KMT2C: variants seen among roughly 807,000 people sequenced by gnomAD.
The protein encoded by KMT2C is lysine methyltransferase 2C.
A neutral mutation model predicts 507.9 loss-of-function variants in KMT2C; 88 were observed. The ratio of observed to expected loss-of-function variants is 0.17; its 90% CI spans 0.15 to 0.21. The LOEUF is 0.21. KMT2C is among the 10% of genes least tolerant of loss of function. The probability of loss-of-function intolerance (pLI) is 1.00; values close to 1 mark genes in which losing one functional copy is unlikely to be tolerated. For synonymous variants in KMT2C, 2,049 were observed against 2,080.8 expected (o/e 0.98, Z 0.42); for missense variants, 4,954 against 5,957.8 (o/e 0.83, Z 5.55).
rs938826373 is a variant in KMT2C at position 152,308,673 on chromosome 7, C to CAAAAAA, written c.849+1287_849+1292dup. Among the ~76,000 whole-genome samples the CAAAAAA allele has an allele frequency of 1.6e-3, 40 of 24,566 alleles. 1 individual carries two copies. Among genetic ancestry groups the CAAAAAA allele is most frequent in the African/African-American group, 5.8e-3 (39 of 6,730 alleles). 16.1% of individuals were successfully genotyped at this position (24,566 alleles called of 152,430 possible). ...CTGCACAACACAGCAAAACTCCTCT[C>CAAAAAA]AAAAAAAAAAAAAAAAAAAAAAAAA... On this transcript the variant is annotated intron_variant, in intron 6 of 58. Transcript: ENST00000262189.
At chr7:152,220,899 A>T (rs2094744493) in intron 22 of KMT2C, among the ~76,000 whole-genome samples, 164 bp from the exon 23 acceptor site, 1 of 152,216 alleles carries the variant, frequency 6.6e-6, no homozygotes, top group South Asian at 2.1e-4. Flanking sequence ...CCCAATAAAA[A>T]CTATGAACAA....
chr7:152,388,274 T>C (rs1217921862), intron 1 of KMT2C, among the ~76,000 whole-genome samples: 1 of 151,774 alleles, frequency 6.6e-6, no homozygotes, highest in Non-Finnish European at 1.5e-5. Flanking sequence ...ATAAGTATGC[T>C]CTGGCCAGGC....
intron 1 of KMT2C, among the ~76,000 whole-genome samples, chr7:152,435,097 T>C (rs1008679221): frequency 1.3e-5 from 2 of 151,934 alleles, no homozygotes; most frequent in Admixed American, 1.3e-4. Context: ...CAGGAAAAGT[T>C]CCAGGAGCAA....
rs2092952679 is a variant in KMT2C at position 152,171,275 on chromosome 7, CCTGTGGTCCAAGGTT to C, written c.9427_9441del (p.Asn3143_Gln3147del). ...ACAGGCAGTGTTACCTGAGGAATGG[CCTGTGGTCCAAGGTT>C]CTGTCCTTCACTGTTCTGTGTTCCA... On this transcript the variant is annotated inframe_deletion, in exon 40 of 59. Transcript: ENST00000262189. 3 of 1,606,872 alleles carry C rather than the reference CCTGTGGTCCAAGGTT, an allele frequency of 1.9e-6. No individual in the cohort carries two copies. The highest frequency in any genetic ancestry group is 1.7e-6 in the Non-Finnish European group (2 of 1,176,520).
At chr7:152,341,300 G>A (rs916052200) in intron 2 of KMT2C, among the ~76,000 whole-genome samples, 8 of 152,124 alleles carry the variant, frequency 5.3e-5, no homozygotes, top group Non-Finnish European at 1.0e-4. Flanking sequence ...AAGCCACTGT[G>A]TTCTGAAATG....
intron 2 of KMT2C, among the ~76,000 whole-genome samples, chr7:152,340,658 T>G (rs2096982994): frequency 6.6e-6 from 1 of 152,186 alleles, no homozygotes; most frequent in African/African-American, 2.4e-5. Context: ...CAACTAAAAG[T>G]AAATACACAA....
At chr7:152,376,128 T>G (rs1306304134) in intron 1 of KMT2C, among the ~76,000 whole-genome samples, 2 of 152,204 alleles carry the variant, frequency 1.3e-5, no homozygotes, top group African/African-American at 4.8e-5. Context: ...GTAATTGTTT[T>G]GGAACACCAT....
intron 6 of KMT2C, among the ~76,000 whole-genome samples, chr7:152,287,855 C>T (rs2096331291): frequency 6.6e-6 from 1 of 151,522 alleles, no homozygotes; most frequent in South Asian, 2.1e-4. Context: ...GAAACCCCAT[C>T]TCTACTAAAA....
At chr7:152,195,783 A>C in intron 28 of KMT2C, 124 bp downstream of exon 28, 1 of 566,726 alleles carries the variant, frequency 1.8e-6, no homozygotes, top group Non-Finnish European at 2.8e-6. Context: ...TGAGTCCTTT[A>C]ACAAAGCCAA....
intron 45 of KMT2C, 48 bp downstream of exon 45, chr7:152,156,157 C>A: frequency 6.2e-7 from 1 of 1,605,922 alleles, no homozygotes; most frequent in East Asian, 2.2e-5. Flanking sequence ...ACACAACTGG[C>A]AGAGGCACAT....
At chr7:152,312,988 G>GA (rs1385894752) in intron 4 of KMT2C, among the ~76,000 whole-genome samples, 4 of 151,684 alleles carry the variant, frequency 2.6e-5, no homozygotes, top group Non-Finnish European at 5.9e-5. Context: ...ATCATTGAAA[G>GA]AAAAAAAGTA....
intron 1 of KMT2C, among the ~76,000 whole-genome samples, chr7:152,422,045 C>T (rs1436308917): frequency 6.6e-6 from 1 of 152,164 alleles, no homozygotes; most frequent in Non-Finnish European, 1.5e-5. Flanking sequence ...GAAGTAACCA[C>T]ATTTTTAAAA....
intron 1 of KMT2C, among the ~76,000 whole-genome samples, chr7:152,370,804 T>C (rs369675252): frequency 1.3e-5 from 2 of 152,236 alleles, no homozygotes; most frequent in Non-Finnish European, 2.9e-5. Flanking sequence ...TACTTGGTCT[T>C]TGTAATAATT....
rs745712814 is a variant in KMT2C, at chr7:152,422,641, TA to T, written c.161+12984del. On this transcript the variant is annotated intron_variant, in intron 1 of 58. Coordinates refer to ENST00000262189, the MANE Select transcript of KMT2C (RefSeq NM_170606.3). ...ACCAATTGCTCAAAGTGGTAAAGACTATTTACTAGCTATTTCTGTAATATTT... is the reference window on the plus strand; with the variant it reads ...ACCAATTGCTCAAAGTGGTAAAGACTTTTACTAGCTATTTCTGTAATATTT... 8.5e-5 allele frequency among the ~76,000 whole-genome samples: 13 copies of T among 152,244 alleles called. No individual in the cohort carries two copies. In the East Asian group the frequency reaches 9.7e-4, roughly 11 times the overall value.
chr7:152,293,975 C>A (rs1002601137), intron 6 of KMT2C, among the ~76,000 whole-genome samples: 1 of 151,536 alleles, frequency 6.6e-6, no homozygotes, highest in African/African-American at 2.4e-5. Context: ...CCTCCCACCT[C>A]AACCTCTTGA....
At chr7:152,218,600 T>C (rs1249122133) in intron 23 of KMT2C, among the ~76,000 whole-genome samples, 1 of 152,214 alleles carries the variant, frequency 6.6e-6, no homozygotes, top group African/African-American at 2.4e-5. Flanking sequence ...TCTTAAAATA[T>C]AAATAAGATC....
At chr7:152,303,550 A>G (rs2129194886) in intron 6 of KMT2C, among the ~76,000 whole-genome samples, 1 of 152,346 alleles carries the variant, frequency 6.6e-6, no homozygotes, top group South Asian at 2.1e-4. Context: ...AGAAAATATG[A>G]TAAAGCAAAA....
intron 42 of KMT2C, among the ~76,000 whole-genome samples, chr7:152,165,617 G>T (rs548756028): frequency 6.6e-6 from 1 of 152,188 alleles, no homozygotes; most frequent in Non-Finnish European, 1.5e-5. Context: ...GATAAGACAC[G>T]TGAGTCCAAA....
chr7:152,338,252 C>T (rs2096956966), intron 2 of KMT2C, among the ~76,000 whole-genome samples: 1 of 152,140 alleles, frequency 6.6e-6, no homozygotes, highest in East Asian at 1.9e-4. Context: ...TTTATTTAGC[C>T]CCCTCCGATC....
Sources: gnomAD v4.1 joint callset for allele counts (sites outside exome capture counted in the v4.1 genomes callset) on GRCh38, gnomAD v4.1.1 for gene constraint, MANE v1.5 for transcripts, NCBI Gene and HGNC (gene_info 2026-07-23, HGNC 2026-07-21) for gene names.